The following ZNF704 variants were observed in gnomAD, a reference collection of about 807,000 sequenced individuals.
The protein encoded by ZNF704 is zinc finger protein 704.
Under a neutral mutation model 44.7 loss-of-function variants are expected in ZNF704, and 10 were observed. That is an observed-to-expected ratio of 0.22 (90% CI 0.14 to 0.38). ZNF704 has a LOEUF of 0.38. Among genes scored for constraint, ZNF704 ranks in the 10% least tolerant of loss-of-function variants. The pLI is 1.00. For missense variants in ZNF704, 390 were observed against 545.5 expected (o/e 0.71, Z 2.84); for synonymous variants, 211 against 207.6 (o/e 1.02, Z -0.14).
intron 3 of ZNF704, among the ~76,000 whole-genome samples, chr8:80,688,370 C>T (rs369269354): frequency 6.6e-6 from 1 of 152,186 alleles, no homozygotes; most frequent in Non-Finnish European, 1.5e-5. Flanking sequence ...TAATGCCTTA[C>T]ATTTTGTGAG....
chr8:80,705,365 T>G (rs1473738981), intron 2 of ZNF704, among the ~76,000 whole-genome samples: 1 of 149,750 alleles, frequency 6.7e-6, no homozygotes, highest in African/African-American at 2.5e-5. Context: ...CAGTTGTGTG[T>G]CGGGGCCTTG....
chr8:80,765,333 C>T (rs1364321268), intron 2 of ZNF704, among the ~76,000 whole-genome samples: 1 of 152,162 alleles, frequency 6.6e-6, no homozygotes, highest in African/African-American at 2.4e-5. Flanking sequence ...CTCCGACTCA[C>T]TCACACTAAT....
chr8:80,791,912 G>A (rs981975681), intron 2 of ZNF704, among the ~76,000 whole-genome samples: 1 of 152,172 alleles, frequency 6.6e-6, no homozygotes, highest in African/African-American at 2.4e-5. Flanking sequence ...GAAAGATTAG[G>A]CTGGACTTGA....
chr8:80,742,046 G>A (rs995024643), intron 2 of ZNF704, among the ~76,000 whole-genome samples: 11 of 152,120 alleles, frequency 7.2e-5, no homozygotes, highest in African/African-American at 1.2e-4. Flanking sequence ...TCTAACTTCC[G>A]AGAACACCTA....
intron 2 of ZNF704, among the ~76,000 whole-genome samples, chr8:80,768,628 C>CA (rs1807268137): frequency 6.6e-6 from 1 of 152,194 alleles, no homozygotes; most frequent in African/African-American, 2.4e-5. Flanking sequence ...TTTAATAACA[C>CA]AAGGTTGGCA....
In ZNF704 at chr8:80,756,837, C is replaced by T. The variant is rs574296584; in HGVS notation, c.222-63730G>A. Among the ~76,000 whole-genome samples, 18 of 152,300 alleles carry T rather than the reference C, an allele frequency of 1.2e-4. No individual in the cohort carries two copies. The South Asian group carries it at 2.9e-3, about 25-fold the overall frequency. ...ACTGCAGAAAAAATGGCGAGCAGGA[C>T]ACACAGTCACTGCCCTCTGCGAGCT... On this transcript the variant is annotated intron_variant, in intron 2 of 8. Transcript: ENST00000327835.
At chr8:80,668,335 C>T (rs1818227350) in intron 5 of ZNF704, among the ~76,000 whole-genome samples, 1 of 152,344 alleles carries the variant, frequency 6.6e-6, no homozygotes, top group East Asian at 1.9e-4. Flanking sequence ...CACCTCTTCA[C>T]AGGCCTGTCT....
chr8:80,720,942 G>T (rs1380516679), intron 2 of ZNF704, among the ~76,000 whole-genome samples: 3 of 152,236 alleles, frequency 2.0e-5, no homozygotes, highest in Non-Finnish European at 4.4e-5. Context: ...TAGCACAAAG[G>T]CTGAGTTTTC....
At chr8:80,719,534 C>T (rs1350491036) in intron 2 of ZNF704, among the ~76,000 whole-genome samples, 1 of 152,128 alleles carries the variant, frequency 6.6e-6, no homozygotes, top group African/African-American at 2.4e-5. Flanking sequence ...GGTCAATTAT[C>T]ACAAAGCTTT....
Position 80,821,530 on chromosome 8 carries a change from T to C in ZNF704, c.65A>G (p.His22Arg). The change falls in exon 2 of 9, where the codon CAC becomes CGC. Residue 22 changes from histidine (H) to arginine (R), a missense_variant. His to Arg is a conservative substitution (Grantham distance 29). Transcript: ENST00000327835. ...TTCCTCCATGGCCAAGGAAAACACG[T>C]GTTGATGAGACATTTTTTTACCACA... ...RDCGKKMSHQ[H>R]VFSLAMEEDV... is the part of the protein sequence containing the mutation. The C allele has an allele frequency of 1.2e-6, 2 of 1,614,138 alleles. No individual in the cohort carries two copies. The highest frequency in any genetic ancestry group is 1.7e-6 in the Non-Finnish European group (2 of 1,180,012).
chr8:80,725,726 G>A (rs977963780), intron 2 of ZNF704, among the ~76,000 whole-genome samples: 1 of 152,048 alleles, frequency 6.6e-6, no homozygotes, highest in Non-Finnish European at 1.5e-5. Flanking sequence ...AAGTTTTTGT[G>A]GACCTAGCTC....
intron 2 of ZNF704, among the ~76,000 whole-genome samples, chr8:80,756,232 C>T (rs978079825): frequency 6.6e-6 from 1 of 152,140 alleles, no homozygotes; most frequent in African/African-American, 2.4e-5. Flanking sequence ...AGCAGTATCT[C>T]ACTCCCTCTA....
chr8:80,816,868 C>T (rs1469323442), intron 2 of ZNF704, among the ~76,000 whole-genome samples: 2 of 152,222 alleles, frequency 1.3e-5, no homozygotes, highest in Admixed American at 6.5e-5. Context: ...CTCCAAATCA[C>T]GCTCAAAAAA....
At chr8:80,675,966 T>C (rs998632583) in intron 4 of ZNF704, among the ~76,000 whole-genome samples, 2 of 152,128 alleles carry the variant, frequency 1.3e-5, no homozygotes, top group Non-Finnish European at 2.9e-5. Flanking sequence ...TATTTTATGT[T>C]GGAGATTGAG....
At chr8:80,829,413 T>C (rs1808432090) in intron 1 of ZNF704, among the ~76,000 whole-genome samples, 2 of 152,214 alleles carry the variant, frequency 1.3e-5, no homozygotes, top group South Asian at 4.1e-4. Flanking sequence ...AGGCCTAGTT[T>C]TGATGATTAT....
intron 1 of ZNF704, among the ~76,000 whole-genome samples, chr8:80,856,486 G>A (rs1302353039): frequency 2.0e-5 from 3 of 152,118 alleles, no homozygotes; most frequent in Non-Finnish European, 4.4e-5. Context: ...AAGAAGCTCT[G>A]TAAGTTTTAG....
At chr8:80,771,228 G>A (rs1807314427) in intron 2 of ZNF704, among the ~76,000 whole-genome samples, 1 of 152,054 alleles carries the variant, frequency 6.6e-6, no homozygotes, top group African/African-American at 2.4e-5. Flanking sequence ...AACCTTCTCT[G>A]TATCTACAAA....
chr8:80,783,274 T>G (rs1407631362), intron 2 of ZNF704, among the ~76,000 whole-genome samples: 1 of 152,042 alleles, frequency 6.6e-6, no homozygotes, highest in Non-Finnish European at 1.5e-5. Flanking sequence ...ACTGTAGGAG[T>G]TTGAAGCCAT....
At chr8:80,749,176 T>C (rs1015412542) in intron 2 of ZNF704, among the ~76,000 whole-genome samples, 1 of 152,122 alleles carries the variant, frequency 6.6e-6, no homozygotes, top group African/African-American at 2.4e-5. Flanking sequence ...GAGCCCTTTA[T>C]TTACTCTTTT....
Sources: allele counts gnomAD v4.1 joint callset (sites outside exome capture counted in the v4.1 genomes callset), GRCh38; gene constraint gnomAD v4.1.1; transcripts MANE v1.5; gene names NCBI Gene and HGNC (gene_info 2026-07-23, HGNC 2026-07-21).